HPS5: variants seen among roughly 807,000 people sequenced by gnomAD.
The protein encoded by HPS5 is BLOC-2 complex member HPS5.
In HPS5, 83 loss-of-function variants were observed where a neutral mutation model predicts 128.0. That is an observed-to-expected ratio of 0.65 (90% CI 0.54 to 0.78). HPS5 has a LOEUF of 0.78. Ranked by LOEUF, HPS5 falls within the 30% of genes least tolerant of loss-of-function variation. The pLI is 0.00. For synonymous variants in HPS5, 475 were observed against 470.2 expected, an observed-to-expected ratio of 1.01 and a Z score of -0.13; for missense variants, 1,281 against 1,326.2, an observed-to-expected ratio of 0.97 and a Z score of 0.53.
At chr11:18,292,324 T>C (rs996927400) in intron 15 of HPS5, among the ~76,000 whole-genome samples, 30 of 151,300 alleles carry the variant, frequency 2.0e-4, no homozygotes, top group African/African-American at 5.8e-4. Context: ...GCCTCCTGAG[T>C]AGCTGGGAAT....
At chr11:18,315,368 C>A (rs1863492158) in intron 2 of HPS5, among the ~76,000 whole-genome samples, 1 of 152,172 alleles carries the variant, frequency 6.6e-6, no homozygotes, top group African/African-American at 2.4e-5. Flanking sequence ...GTAATCCCAG[C>A]ACTTTGGGAG....
At chr11:18,302,188 T>C (rs1159893219) in intron 8 of HPS5, among the ~76,000 whole-genome samples, 1 of 152,188 alleles carries the variant, frequency 6.6e-6, no homozygotes, top group East Asian at 1.9e-4. Flanking sequence ...TCCTCTGGTC[T>C]GGAGGACTCA....
intron 6 of HPS5, among the ~76,000 whole-genome samples, chr11:18,307,831 A>T (rs926323376): frequency 6.6e-6 from 1 of 152,170 alleles, no homozygotes; most frequent in Non-Finnish European, 1.5e-5. Flanking sequence ...ATATTTTATT[A>T]TATTACACAT....
intron 3 of HPS5, 26 bp downstream of exon 3, chr11:18,311,888 T>C: frequency 7.3e-7 from 1 of 1,375,878 alleles, no homozygotes; most frequent in Non-Finnish European, 1.0e-6. Flanking sequence ...CCAAATGGTG[T>C]ATGACAGAGC....
chr11:18,313,836 C>CCA (rs1863288771), intron 2 of HPS5, among the ~76,000 whole-genome samples: 2 of 150,896 alleles, frequency 1.3e-5, no homozygotes, highest in African/African-American at 4.9e-5. Flanking sequence ...ATCACTTGAA[C>CCA]CCAGGAAGTG....
intron 6 of HPS5, 102 bp downstream of exon 6, chr11:18,308,844 A>G (rs930605526): frequency 1.7e-6 from 2 of 1,211,942 alleles, no homozygotes; most frequent in Admixed American, 4.2e-5. Context: ...AAAAGAAAAA[A>G]AATCTGTATA....
chr11:18,284,430 C>G (rs1016059346), intron 20 of HPS5, among the ~76,000 whole-genome samples: 2 of 152,168 alleles, frequency 1.3e-5, no homozygotes, highest in Non-Finnish European at 2.9e-5. Flanking sequence ...CTACTAATCA[C>G]CAATCCACTC....
Position 18,305,406 on chromosome 11 carries a change from G to A in HPS5, c.896+16C>T. ...ATTCTTTTTCCCCCCCAGAACTAAGGAAAGTAGAAACTTACCTAAGATGTA... is the reference window on the plus strand; with the variant it reads ...ATTCTTTTTCCCCCCCAGAACTAAGAAAAGTAGAAACTTACCTAAGATGTA... On this transcript the variant is annotated intron_variant, in intron 8 of 22. Coordinates refer to ENST00000349215, the MANE Select transcript of HPS5 (RefSeq NM_181507.2). 1 of 1,543,074 alleles carries A rather than the reference G, an allele frequency of 6.5e-7. No homozygotes were observed. The highest frequency in any genetic ancestry group is 9.0e-7 in the Non-Finnish European group (1 of 1,115,816).
chr11:18,320,658 C>A (rs115881363), intron 1 of HPS5, among the ~76,000 whole-genome samples: 1 of 152,180 alleles, frequency 6.6e-6, no homozygotes, highest in Non-Finnish European at 1.5e-5. Flanking sequence ...TCACTCCTGA[C>A]ATGACATTTT....
rs761283497 is a variant in HPS5 at position 18,291,779 on chromosome 11, A to G, written c.2103T>C (p.Ser701=). ...EKRDSLGNEE[S]VDKTACECVR... is the part of the protein sequence containing the mutation. ...CACATTCACATGCTGTTTTATCAAC[A>G]GATTCTTCATTGCCTAAAGAGTCCC... Residue 701 remains serine (S), a synonymous_variant, in exon 16 of 23, where the codon TCT becomes TCC. Transcript: ENST00000349215. The G allele has an allele frequency of 6.2e-7, 1 of 1,614,100 alleles. No homozygotes were observed. Among genetic ancestry groups the G allele is most frequent in the East Asian group, 2.2e-5 (1 of 44,886 alleles).
In HPS5 at chr11:18,291,754, C is replaced by T; in HGVS notation, c.2128G>A (p.Val710Ile). ...ESVDKTACEC[V>I]RSPRESLDDL... is the part of the protein sequence containing the mutation. ...TCCAAAGACTCCCTTGGACTCCTTA[C>T]ACATTCACATGCTGTTTTATCAACA... The change falls in exon 16 of 23, where the codon GTA becomes ATA. Residue 710 changes from valine (V) to isoleucine (I), a missense_variant. Coordinates refer to ENST00000349215, the MANE Select transcript of HPS5 (RefSeq NM_181507.2). 1.2e-6 allele frequency: 2 copies of T among 1,614,192 alleles called. No individual in the cohort carries two copies. The highest frequency in any genetic ancestry group is 1.1e-5 in the South Asian group (1 of 91,082).
intron 13 of HPS5, among the ~76,000 whole-genome samples, 164 bp downstream of exon 13, chr11:18,295,835 G>C (rs1860998459): frequency 1.3e-5 from 2 of 152,200 alleles, no homozygotes; most frequent in Admixed American, 6.5e-5. Flanking sequence ...AGGGAAGCTA[G>C]ACTCTCCCCA....
At chr11:18,285,619 C>T (rs1221534278) in intron 19 of HPS5, among the ~76,000 whole-genome samples, 160 bp from the exon 20 acceptor site, 1 of 152,128 alleles carries the variant, frequency 6.6e-6, no homozygotes, top group Non-Finnish European at 1.5e-5. Context: ...AGCTATTTTT[C>T]CTATAACCTG....
intron 1 of HPS5, among the ~76,000 whole-genome samples, chr11:18,321,380 C>A (rs1055001228): frequency 2.0e-5 from 3 of 152,170 alleles, no homozygotes; most frequent in Admixed American, 6.5e-5. Flanking sequence ...AAAACCCTAC[C>A]TTTCTGCAAA....
chr11:18,319,162 A>G (rs1863995733), intron 1 of HPS5, among the ~76,000 whole-genome samples: 1 of 152,064 alleles, frequency 6.6e-6, no homozygotes, highest in South Asian at 2.1e-4. Flanking sequence ...TTCATTGAGT[A>G]CCTAGTAAAG....
chr11:18,293,864 G>T (rs1412935752), intron 14 of HPS5, among the ~76,000 whole-genome samples: 1 of 152,208 alleles, frequency 6.6e-6, no homozygotes, highest in Non-Finnish European at 1.5e-5. Context: ...TTAGAAGGAT[G>T]TGGCTAGAAA....
chr11:18,310,861 T>C lies in HPS5; in HGVS notation c.357A>G (p.Ser119=), dbSNP rs753282903. 8.7e-6 allele frequency: 14 copies of C among 1,613,708 alleles called. No homozygotes were observed. The East Asian group carries it at 1.6e-4, about 18-fold the overall frequency. The change falls in exon 5 of 23, where the codon TCA becomes TCG. Residue 119 remains serine (S), a synonymous_variant. Coordinates refer to ENST00000349215, the MANE Select transcript of HPS5 (RefSeq NM_181507.2). The stretch of plus-strand genomic sequence containing the variant: ...CTGTGACTCTTCGGCCTTTGTGTTC[T>C]GAAGACACATACATTTGTTCCGGTT... ...RGKPEQMYVS[S]EHKGRRVTAL... is the part of the protein sequence containing the mutation.
In HPS5 at chr11:18,278,932, T is replaced by C. The variant is rs1011107560; in HGVS notation, c.*950A>G. The C allele has an allele frequency of 2.0e-5, 3 of 152,432 alleles. No homozygotes were observed. Among genetic ancestry groups the C allele is most frequent in the Non-Finnish European group, 4.4e-5 (3 of 68,042 alleles). The allele number at this position is 152,432 out of a possible 1,614,324, so 9.4% of individuals were successfully genotyped here. A position where few individuals can be genotyped will look rare whatever the true frequency, so the allele number is the denominator to read the frequency against. ...CTTAGAAATAATTTTAAAAAGTGCA[T>C]GATTCTTGTGGGCTACTCTGTTTAG... On this transcript the variant is annotated 3_prime_UTR_variant, in exon 23 of 23. Transcript: ENST00000349215.
rs1245790172 is a variant in HPS5 at position 18,286,658 on chromosome 11, G to A, written c.2770C>T (p.Leu924=). The A allele has an allele frequency of 6.2e-7, 1 of 1,614,094 alleles. No homozygotes were observed. Among genetic ancestry groups the A allele is most frequent in the Non-Finnish European group, 8.5e-7 (1 of 1,179,994 alleles). The part of the protein sequence containing the change: ...LQPESLRLDW[L]LLAVSLDAPP... ...GCATCAAGGGACACTGCCAAAAGCA[G>A]CCAATCCAACCTTAAAGACTCTGGT... Residue 924 remains leucine, a synonymous_variant, in exon 19 of 23, where the codon CTG becomes TTG. Coordinates refer to ENST00000349215, the MANE Select transcript of HPS5 (RefSeq NM_181507.2).
Sources: allele counts gnomAD v4.1 joint callset (sites outside exome capture counted in the v4.1 genomes callset), GRCh38; gene constraint gnomAD v4.1.1; transcripts MANE v1.5; gene names NCBI Gene and HGNC (gene_info 2026-07-23, HGNC 2026-07-21).